KANK1: variants seen among roughly 807,000 people sequenced by gnomAD.
KANK1 encodes the protein KN motif and ankyrin repeat domain-containing protein 1.
A neutral mutation model predicts 106.2 loss-of-function variants in KANK1; 109 were observed. The observed-to-expected ratio is 1.03, with a 90% CI of 0.88 to 1.20. KANK1 has a LOEUF of 1.20. Ranked by LOEUF, KANK1 falls within the 50% of genes most tolerant of loss-of-function variation. The probability of loss-of-function intolerance (pLI) is 0.00; values close to 1 mark genes in which losing one functional copy is unlikely to be tolerated. For missense variants in KANK1, 2,399 were observed against 1,710.7 expected (o/e 1.40, Z -7.10); for synonymous variants, 873 against 652.2 (o/e 1.34, Z -5.16).
chr9:592,598 A>G (rs1375792018), intron 1 of KANK1, among the ~76,000 whole-genome samples: 1 of 151,898 alleles, frequency 6.6e-6, no homozygotes, highest in African/African-American at 2.4e-5. Flanking sequence ...ATGAATCAAT[A>G]TTACATCTCT....
intron 1 of KANK1, among the ~76,000 whole-genome samples, chr9:561,742 A>G (rs1313575969): frequency 1.3e-5 from 2 of 152,224 alleles, no homozygotes; most frequent in Non-Finnish European, 2.9e-5. Flanking sequence ...AAAATGCATG[A>G]AAGTTTTAGT....
chr9:666,393 A>C (rs1232967866), intron 1 of KANK1, among the ~76,000 whole-genome samples: 2 of 152,200 alleles, frequency 1.3e-5, no homozygotes, highest in Non-Finnish European at 1.5e-5. Context: ...TGTCGTTTAC[A>C]TTCAAAGCGA....
At chr9:665,642 G>T (rs1289657366) in intron 1 of KANK1, among the ~76,000 whole-genome samples, 2 of 152,098 alleles carry the variant, frequency 1.3e-5, no homozygotes, top group Non-Finnish European at 2.9e-5. Flanking sequence ...GATTGCTTTG[G>T]TTATTTGTGG....
intron 1 of KANK1, among the ~76,000 whole-genome samples, chr9:640,313 G>A (rs1444171137): frequency 6.6e-6 from 1 of 151,594 alleles, no homozygotes; most frequent in African/African-American, 2.4e-5. Context: ...TCGGCTCTCT[G>A]CAGCCTCCAC....
intron 1 of KANK1, among the ~76,000 whole-genome samples, chr9:596,445 C>T (rs1041576784): frequency 6.6e-6 from 1 of 151,694 alleles, no homozygotes; most frequent in Non-Finnish European, 1.5e-5. Flanking sequence ...TCCTCTGAGC[C>T]CCTATGCTAA....
intron 1 of KANK1, among the ~76,000 whole-genome samples, chr9:506,205 T>C (rs2058749489): frequency 6.6e-6 from 1 of 152,156 alleles, no homozygotes; most frequent in Non-Finnish European, 1.5e-5. Context: ...AGGCAGCTAC[T>C]TAGGAAGTTT....
chr9:470,700 C>T (rs1373434613), intron 2 of KANK1: 1 of 152,256 alleles, frequency 6.6e-6, no homozygotes. Context: ...AGAGGCCCCA[C>T]CCTCCATTAC....
At position 738,520 on chromosome 9, in the gene KANK1, T is replaced by G. The variant is rs750951576; in HGVS notation, c.3553+16T>G. ...TTAGATGCCGGTATGTTGGCTGCCC[T>G]TCCACCCTCTCTTCTCTAACAGTAC... On this transcript the variant is annotated intron_variant, in intron 8 of 11. Coordinates refer to ENST00000382297, the MANE Select transcript of KANK1 (RefSeq NM_015158.5). 4.4e-6 allele frequency: 7 copies of G among 1,592,442 alleles called. No homozygotes were observed. The East Asian group carries it at 1.3e-4, about 30-fold the overall frequency.
At chr9:698,122 C>T (rs1821766697) in intron 2 of KANK1, among the ~76,000 whole-genome samples, 1 of 152,190 alleles carries the variant, frequency 6.6e-6, no homozygotes, top group Non-Finnish European at 1.5e-5. Flanking sequence ...AATTCAGGCC[C>T]TGGTCAGATG....
chr9:614,096 A>G (rs1272204645), intron 1 of KANK1, among the ~76,000 whole-genome samples: 1 of 152,198 alleles, frequency 6.6e-6, no homozygotes, highest in Non-Finnish European at 1.5e-5. Context: ...TGGTCATGCC[A>G]GTGGCTGCAG....
intron 1 of KANK1, among the ~76,000 whole-genome samples, chr9:515,925 T>C (rs1199961870): frequency 6.6e-6 from 1 of 151,810 alleles, no homozygotes; most frequent in East Asian, 1.9e-4. Flanking sequence ...TGTTGACATT[T>C]TGAGATTTCT....
At chr9:573,074 G>A (rs1469819092) in intron 1 of KANK1, among the ~76,000 whole-genome samples, 2 of 152,158 alleles carry the variant, frequency 1.3e-5, no homozygotes, top group Admixed American at 6.5e-5. Context: ...ATGGAAGAGA[G>A]TCTGACTTGG....
At chr9:707,099 A>G (rs897985263) in intron 2 of KANK1, 1 of 985,344 alleles carries the variant, frequency 1.0e-6, no homozygotes, top group African/African-American at 1.7e-5. Context: ...AGCCTATGGC[A>G]TCCGAGCGTG....
intron 1 of KANK1, among the ~76,000 whole-genome samples, chr9:581,475 A>C (rs547905111): frequency 2.0e-5 from 3 of 152,118 alleles, no homozygotes; most frequent in Non-Finnish European, 4.4e-5. Flanking sequence ...ATGGAAGTCA[A>C]TGATGTTGAA....
intron 2 of KANK1, chr9:684,427 A>C: frequency 1.0e-6 from 1 of 985,318 alleles, no homozygotes; most frequent in Non-Finnish European, 1.2e-6. Context: ...TACAAAATAA[A>C]CACCCAACAG....
Position 492,747 on chromosome 9 carries a change from A to G in KANK1, c.-362+19474A>G, listed in dbSNP as rs1587245851. Among the ~76,000 whole-genome samples, 6 of 152,296 alleles carry G rather than the reference A, an allele frequency of 3.9e-5. No individual in the cohort carries two copies. In the South Asian group the frequency reaches 1.2e-3, roughly 32 times the overall value. ...CTTATTGTTATTAATAGTTGTGGCC[A>G]GGTGCGGTGTCATATGCCTATAATC... is the stretch of plus-strand genomic sequence containing the variant. On this transcript the variant is annotated intron_variant, in intron 3 of 15. Coordinates refer to the KANK1 transcript ENST00000382303.
chr9:619,308 A>C (rs1356428059), intron 1 of KANK1, among the ~76,000 whole-genome samples: 1 of 152,190 alleles, frequency 6.6e-6, no homozygotes, highest in Non-Finnish European at 1.5e-5. Context: ...TGTTTAGTTT[A>C]TCTAGTTGGG....
intron 1 of KANK1, among the ~76,000 whole-genome samples, chr9:515,723 T>C (rs978878131): frequency 1.3e-5 from 2 of 151,832 alleles, no homozygotes; most frequent in African/African-American, 2.4e-5. Flanking sequence ...AAAAGAAAAC[T>C]TGAGATCCTG....
At chr9:475,846 A>T (rs928512298) in intron 3 of KANK1, among the ~76,000 whole-genome samples, 11 of 151,962 alleles carry the variant, frequency 7.2e-5, no homozygotes, top group Non-Finnish European at 1.2e-4. Context: ...CCTTTTTAAA[A>T]TTATTTATTT....
Sources: gnomAD v4.1 joint callset for allele counts (sites outside exome capture counted in the v4.1 genomes callset) on GRCh38, gnomAD v4.1.1 for gene constraint, MANE v1.5 for transcripts, NCBI Gene and HGNC (gene_info 2026-07-23, HGNC 2026-07-21) for gene names.